Variants in MRPS35 observed in about 807,000 individuals in gnomAD.
MRPS35 encodes small ribosomal subunit protein mS35.
MRPS35 carries 29 observed loss-of-function variants against 32.7 expected under a neutral mutation model. The ratio of observed to expected loss-of-function variants is 0.89; its 90% CI spans 0.66 to 1.21. MRPS35 has a LOEUF of 1.21. Among genes scored for constraint, MRPS35 ranks in the 50% most tolerant of loss-of-function variants. MRPS35 has a pLI of 0.00. For synonymous variants in MRPS35, 148 were observed against 139.3 expected (o/e 1.06, Z -0.44); for missense variants, 373 against 383.8 (o/e 0.97, Z 0.23).
chr12:27,745,598 T>C (rs1020239228), intron 7 of MRPS35, among the ~76,000 whole-genome samples: 1 of 152,150 alleles, frequency 6.6e-6, no homozygotes, highest in African/African-American at 2.4e-5. Flanking sequence ...CTTTAAGTTT[T>C]AGGGTACATG....
chr12:27,730,607 G>A (rs776742825), intron 5 of MRPS35, among the ~76,000 whole-genome samples: 1 of 152,014 alleles, frequency 6.6e-6, no homozygotes, highest in African/African-American at 2.4e-5. Context: ...AAGCCACCAC[G>A]GCTAGCTAGT....
chr12:27,740,134 A>G (rs12811524), intron 7 of MRPS35, among the ~76,000 whole-genome samples: 10,740 of 152,306 alleles, frequency 0.071, 490 homozygotes, highest in South Asian at 0.1. Context: ...CCTCACCAAC[A>G]TGGAATTCAT....
At chr12:27,750,534 GGC>G (rs2061997672) in intron 7 of MRPS35, among the ~76,000 whole-genome samples, 1 of 152,184 alleles carries the variant, frequency 6.6e-6, no homozygotes, top group Admixed American at 6.5e-5. Context: ...TGGGCACAGT[GGC>G]TCACACCTGT....
chr12:27,751,132 GA>G (rs1176255965), intron 7 of MRPS35, among the ~76,000 whole-genome samples: 1 of 122,306 alleles, frequency 8.2e-6, no homozygotes, highest in Non-Finnish European at 1.8e-5. Flanking sequence ...AAAAAGAAAA[GA>G]AAAGAAAAAG....
intron 5 of MRPS35, among the ~76,000 whole-genome samples, chr12:27,730,712 A>G (rs1201567782): frequency 6.6e-6 from 1 of 151,810 alleles, no homozygotes; most frequent in East Asian, 1.9e-4. Flanking sequence ...CTCAAGTGAT[A>G]CTCTCACCTC....
At chr12:27,721,463 G>A (rs1172842645) in intron 4 of MRPS35, among the ~76,000 whole-genome samples, 3 of 152,078 alleles carry the variant, frequency 2.0e-5, no homozygotes, top group East Asian at 1.9e-4. Flanking sequence ...TTCAAGACCA[G>A]CCTGAGCAAT....
chr12:27,743,477 G>A (rs1025259281), intron 7 of MRPS35, among the ~76,000 whole-genome samples: 3 of 152,018 alleles, frequency 2.0e-5, no homozygotes, highest in Admixed American at 6.5e-5. Context: ...GCAGTGAGCC[G>A]AGATGGCGCC....
intron 5 of MRPS35, among the ~76,000 whole-genome samples, chr12:27,730,261 AGGTTTATCTTG>A (rs1167942096): frequency 1.3e-5 from 2 of 152,040 alleles, no homozygotes; most frequent in East Asian, 3.9e-4. Flanking sequence ...ATAATTTCTT[AGGTTTATCTTG>A]GGTGTGATGT....
chr12:27,714,730 C>T (rs367609792), intron 1 of MRPS35, 50 bp from the exon 2 acceptor site: 16 of 1,411,866 alleles, frequency 1.1e-5, no homozygotes, highest in Non-Finnish European at 1.6e-5. Context: ...GAACAACTAA[C>T]TTGACATGAT....
chr12:27,711,148 G>A (rs1201295387), intron 1 of MRPS35, among the ~76,000 whole-genome samples, 193 bp downstream of exon 1: 1 of 152,186 alleles, frequency 6.6e-6, no homozygotes, highest in Non-Finnish European at 1.5e-5. Context: ...GCTTCTAGCC[G>A]CCTGTTTCTG....
At chr12:27,749,577 ACT>A (rs2061993959) in intron 7 of MRPS35, among the ~76,000 whole-genome samples, 8 of 152,150 alleles carry the variant, frequency 5.3e-5, no homozygotes, top group Non-Finnish European at 2.9e-5. Context: ...GTTTTAGTTT[ACT>A]GCTTCATAGT....
At chr12:27,730,041 G>C (rs929635238) in intron 5 of MRPS35, among the ~76,000 whole-genome samples, 1 of 152,146 alleles carries the variant, frequency 6.6e-6, no homozygotes, top group Non-Finnish European at 1.5e-5. Context: ...AAGAATAGTA[G>C]AGAATTTCAG....
At chr12:27,754,826 A>G (rs1274890441) in intron 7 of MRPS35, among the ~76,000 whole-genome samples, 1 of 152,112 alleles carries the variant, frequency 6.6e-6, no homozygotes, top group African/African-American at 2.4e-5. Flanking sequence ...AATAGCTGCA[A>G]AAAGTTATTT....
intron 3 of MRPS35, among the ~76,000 whole-genome samples, chr12:27,716,886 G>A (rs1377223226): frequency 6.6e-6 from 1 of 152,112 alleles, no homozygotes; most frequent in East Asian, 1.9e-4. Flanking sequence ...AGCTACTTGG[G>A]AGGCTGAGAA....
chr12:27,743,427 C>T (rs2061971320), intron 7 of MRPS35, among the ~76,000 whole-genome samples: 1 of 152,000 alleles, frequency 6.6e-6, no homozygotes, highest in African/African-American at 2.4e-5. Context: ...ACTTGGGAGG[C>T]TGAGGCAGGA....
At chr12:27,753,399 C>G (rs745593736) in intron 7 of MRPS35, among the ~76,000 whole-genome samples, 14 of 152,082 alleles carry the variant, frequency 9.2e-5, no homozygotes, top group Non-Finnish European at 1.8e-4. Flanking sequence ...TGGGGCTCCT[C>G]TTTACCCTTG....
At chr12:27,727,826 G>T (rs771726188) in intron 5 of MRPS35, among the ~76,000 whole-genome samples, 1 of 152,044 alleles carries the variant, frequency 6.6e-6, no homozygotes, top group Non-Finnish European at 1.5e-5. Context: ...AGGAACGCTT[G>T]TAAATTCATA....
In MRPS35 at chr12:27,737,998, A is replaced by G. The variant is rs539849708; in HGVS notation, c.702+390A>G. ...AAAACTTTATAGAAAGGTATTTTAA[A>G]TGTTTATTGAAATTTTTAGTTAACA... On this transcript the variant is annotated intron_variant, in intron 7 of 7. Coordinates refer to ENST00000081029, the MANE Select transcript of MRPS35 (RefSeq NM_021821.4). 4.6e-5 allele frequency among the ~76,000 whole-genome samples: 7 copies of G among 152,306 alleles called. No individual in the cohort carries two copies. The South Asian group carries it at 1.4e-3, about 32-fold the overall frequency.
rs900076844 is a variant in MRPS35, at chr12:27,713,548, C to T, written c.113-1232C>T. On this transcript the variant is annotated intron_variant, in intron 1 of 7. Transcript: ENST00000081029. Reference sequence around the variant, plus strand: ...CACCTGGAGTTCTGATGTCCAAGGGCAGGGGAAGAGTGTCCCAGGTCCAGA... The same window carrying T: ...CACCTGGAGTTCTGATGTCCAAGGGTAGGGGAAGAGTGTCCCAGGTCCAGA... Among the ~76,000 whole-genome samples the T allele has an allele frequency of 3.3e-5, 5 of 152,094 alleles. No homozygotes were observed. In the East Asian group the frequency reaches 9.7e-4, roughly 29 times the overall value.
Sources: gnomAD v4.1 joint callset for allele counts (sites outside exome capture counted in the v4.1 genomes callset) on GRCh38, gnomAD v4.1.1 for gene constraint, MANE v1.5 for transcripts, NCBI Gene and HGNC (gene_info 2026-07-23, HGNC 2026-07-21) for gene names.